SLCO1B1: variants seen among roughly 807,000 people sequenced by gnomAD.
SLCO1B1 encodes solute carrier organic anion transporter family member 1B1.
SLCO1B1 carries 81 observed loss-of-function variants against 70.1 expected under a neutral mutation model. The observed-to-expected ratio is 1.16, with a 90% CI of 0.97 to 1.39. The LOEUF (loss-of-function observed/expected upper bound fraction) is 1.39, where lower values mean the gene tolerates loss of function less well. Ranked by LOEUF, SLCO1B1 falls within the 40% of genes most tolerant of loss-of-function variation. The pLI is 0.00. For synonymous variants in SLCO1B1, 283 were observed against 271.5 expected (o/e 1.04, Z -0.42); for missense variants, 895 against 799.6 (o/e 1.12, Z -1.44).
chr12:21,164,013 G>A (rs890294685), intron 2 of SLCO1B1, among the ~76,000 whole-genome samples: 1 of 152,050 alleles, frequency 6.6e-6, no homozygotes, highest in Non-Finnish European at 1.5e-5. Flanking sequence ...CAAAAAATAG[G>A]ATTTGAGTCA....
intron 8 of SLCO1B1, among the ~76,000 whole-genome samples, chr12:21,199,327 T>A (rs1436699723): frequency 5.9e-5 from 9 of 152,322 alleles, no homozygotes; most frequent in Non-Finnish European, 1.2e-4. Flanking sequence ...TAGTTCCTTC[T>A]ACTTTTAAGT....
intron 2 of SLCO1B1, among the ~76,000 whole-genome samples, chr12:21,145,797 A>G (rs1940375234): frequency 6.6e-6 from 1 of 152,066 alleles, no homozygotes; most frequent in African/African-American, 2.4e-5. Context: ...TGATTCTTAT[A>G]AATATTATAT....
intron 2 of SLCO1B1, among the ~76,000 whole-genome samples, chr12:21,164,411 G>A (rs1427570720): frequency 6.6e-6 from 1 of 152,002 alleles, no homozygotes. Context: ...CCCACCTCCT[G>A]TTGGTTCTCC....
chr12:21,132,452 A>G (rs1940151891), intron 1 of SLCO1B1, among the ~76,000 whole-genome samples: 2 of 152,192 alleles, frequency 1.3e-5, no homozygotes, highest in Admixed American at 1.3e-4. Context: ...AGTCCCACCA[A>G]CAGTGTAAAA....
At chr12:21,214,380 C>T (rs1347207434) in intron 11 of SLCO1B1, among the ~76,000 whole-genome samples, 1 of 149,958 alleles carries the variant, frequency 6.7e-6, no homozygotes, top group Non-Finnish European at 1.5e-5. Context: ...GCTCAGGGGT[C>T]AGGGGTCAGG....
At chr12:21,189,846 C>G (rs1308917631) in intron 7 of SLCO1B1, among the ~76,000 whole-genome samples, 1 of 152,186 alleles carries the variant, frequency 6.6e-6, no homozygotes, top group Non-Finnish European at 1.5e-5. Context: ...CATTATCTTA[C>G]ATAGTTACTT....
chr12:21,159,309 TA>T (rs1940582774), intron 2 of SLCO1B1, among the ~76,000 whole-genome samples: 1 of 152,096 alleles, frequency 6.6e-6, no homozygotes, highest in Admixed American at 6.5e-5. Flanking sequence ...TTAAATAGCA[TA>T]AAATAATAAT....
chr12:21,139,284 G>A (rs1005506268), intron 1 of SLCO1B1, among the ~76,000 whole-genome samples: 4 of 152,026 alleles, frequency 2.6e-5, no homozygotes, highest in African/African-American at 7.2e-5. Flanking sequence ...TCAAAGGGCA[G>A]CTTATTACCT....
intron 1 of SLCO1B1, among the ~76,000 whole-genome samples, chr12:21,139,156 C>G (rs1300155696): frequency 6.6e-6 from 1 of 151,804 alleles, no homozygotes; most frequent in Non-Finnish European, 1.5e-5. Flanking sequence ...ATCCACCTTG[C>G]AAGTCATACA....
At chr12:21,132,396 C>T (rs1285509094) in intron 1 of SLCO1B1, among the ~76,000 whole-genome samples, 6 of 152,132 alleles carry the variant, frequency 3.9e-5, no homozygotes. Context: ...TTCTAGATCC[C>T]TGAGGAATCG....
chr12:21,211,661 G>C (rs972295238), intron 11 of SLCO1B1, among the ~76,000 whole-genome samples: 3 of 151,998 alleles, frequency 2.0e-5, no homozygotes, highest in Non-Finnish European at 4.4e-5. Flanking sequence ...TGTACCTCTG[G>C]TAGAATTCAG....
chr12:21,169,781 T>G (rs928426668), intron 2 of SLCO1B1, among the ~76,000 whole-genome samples: 6 of 152,104 alleles, frequency 3.9e-5, no homozygotes, highest in African/African-American at 1.4e-4. Flanking sequence ...AATCCTTTCT[T>G]TCTTTTTATA....
chr12:21,232,405 C>G (rs1292388853), intron 14 of SLCO1B1, among the ~76,000 whole-genome samples: 1 of 152,090 alleles, frequency 6.6e-6, no homozygotes. Context: ...CACATAGTTA[C>G]AAGATCAAGC....
intron 3 of SLCO1B1, among the ~76,000 whole-genome samples, chr12:21,173,585 T>C (rs1025183638): frequency 2.0e-5 from 3 of 151,874 alleles, no homozygotes; most frequent in African/African-American, 7.3e-5. Flanking sequence ...ATGGATGCAA[T>C]GTGCCCTTGT....
intron 5 of SLCO1B1, 101 bp from the exon 6 acceptor site, chr12:21,178,473 TAA>T: frequency 2.4e-6 from 2 of 819,258 alleles, no homozygotes; most frequent in Non-Finnish European, 3.9e-6. Flanking sequence ...ACTTGTAAAT[TAA>T]AAAAAAATAA....
intron 7 of SLCO1B1, among the ~76,000 whole-genome samples, chr12:21,179,876 T>G (rs1037926495): frequency 6.6e-6 from 1 of 152,056 alleles, no homozygotes; most frequent in African/African-American, 2.4e-5. Flanking sequence ...CACACAACTT[T>G]CCAGCTGAAT....
intron 2 of SLCO1B1, among the ~76,000 whole-genome samples, chr12:21,157,537 A>G (rs1940557453): frequency 6.6e-6 from 1 of 152,118 alleles, no homozygotes; most frequent in African/African-American, 2.4e-5. Flanking sequence ...AAGCAATTGT[A>G]CAATTCAGAT....
rs140674443 is a variant in SLCO1B1, at chr12:21,200,617, C to G, written c.1080C>G (p.Phe360Leu). The G allele has an allele frequency of 3.2e-5, 51 of 1,611,962 alleles. No homozygotes were observed. The African/African-American group carries it at 6.4e-4, about 20-fold the overall frequency. ...SSYIGAFTYVFKYVEQQYGQP... is the reference protein window; with the variant it reads ...SSYIGAFTYVLKYVEQQYGQP... Reference sequence around the variant, plus strand: ...ATATTGGTGCTTTTACTTATGTCTTCAAATACGTAGAGCAACAGTATGGTC... The same window carrying G: ...ATATTGGTGCTTTTACTTATGTCTTGAAATACGTAGAGCAACAGTATGGTC... The change falls in exon 9 of 15, where the codon TTC becomes TTG. Residue 360 changes from phenylalanine (F) to leucine (L), a missense_variant. Phe to Leu is a conservative substitution (Grantham distance 22, BLOSUM62 0). Transcript: ENST00000256958.
At chr12:21,230,016 G>T (rs1941517667) in intron 14 of SLCO1B1, among the ~76,000 whole-genome samples, 1 of 152,124 alleles carries the variant, frequency 6.6e-6, no homozygotes. Flanking sequence ...AGATATTTTT[G>T]ATCAAGTTGA....
Sources: allele counts gnomAD v4.1 joint callset (sites outside exome capture counted in the v4.1 genomes callset), GRCh38; gene constraint gnomAD v4.1.1; transcripts MANE v1.5; gene names NCBI Gene and HGNC (gene_info 2026-07-23, HGNC 2026-07-21).